The following LARS2 variants were observed in gnomAD, a reference collection of about 807,000 sequenced individuals.
LARS2 encodes leucine--tRNA ligase, mitochondrial.
A neutral mutation model predicts 116.6 loss-of-function variants in LARS2; 81 were observed. The observed-to-expected ratio is 0.69, with a 90% CI of 0.58 to 0.84. The LOEUF (loss-of-function observed/expected upper bound fraction) is 0.84. Among genes scored for constraint, LARS2 ranks in the 40% least tolerant of loss-of-function variants. The pLI, the probability that LARS2 is intolerant of heterozygous loss-of-function variation, is 0.00. For missense variants in LARS2, 968 were observed against 1,114.5 expected, an observed-to-expected ratio of 0.87 and a Z score of 1.87; for synonymous variants, 396 against 407.2, an observed-to-expected ratio of 0.97 and a Z score of 0.33.
chr3:45,476,971 T>C (rs956446912), intron 10 of LARS2, among the ~76,000 whole-genome samples: 1 of 152,152 alleles, frequency 6.6e-6, no homozygotes, highest in Non-Finnish European at 1.5e-5. Context: ...AATCTTCTCA[T>C]AATTTATAAT....
intron 15 of LARS2, among the ~76,000 whole-genome samples, chr3:45,508,429 A>G (rs1184451156): frequency 2.0e-5 from 3 of 152,126 alleles, no homozygotes; most frequent in African/African-American, 4.8e-5. Context: ...GAATGGTGAT[A>G]TTTCAAGAAT....
intron 4 of LARS2, among the ~76,000 whole-genome samples, chr3:45,407,325 C>T (rs897125134): frequency 6.6e-6 from 1 of 152,178 alleles, no homozygotes; most frequent in Non-Finnish European, 1.5e-5. Context: ...ATTTAGTTTT[C>T]AAATTTGCAA....
At chr3:45,437,903 T>C (rs1698833261) in intron 6 of LARS2, among the ~76,000 whole-genome samples, 1 of 152,050 alleles carries the variant, frequency 6.6e-6, no homozygotes, top group Non-Finnish European at 1.5e-5. Flanking sequence ...CAGGAGGGGA[T>C]GAAGACAGAC....
At chr3:45,525,689 T>C (rs1463652984) in intron 20 of LARS2, among the ~76,000 whole-genome samples, 2 of 152,228 alleles carry the variant, frequency 1.3e-5, no homozygotes, top group Non-Finnish European at 2.9e-5. Flanking sequence ...TCTGGGTCTT[T>C]CCAGTTACTC....
At chr3:45,508,832 C>T (rs945123890) in intron 15 of LARS2, among the ~76,000 whole-genome samples, 13 of 151,728 alleles carry the variant, frequency 8.6e-5, no homozygotes, top group Non-Finnish European at 1.9e-4. Flanking sequence ...TAGCAACTCC[C>T]TTCCTTCCCT....
rs148711628 is a variant in LARS2, at chr3:45,401,935, G to A, written c.363+1562G>A. Among the ~76,000 whole-genome samples the A allele has an allele frequency of 7.9e-5, 12 of 152,238 alleles. No homozygotes were observed. In the East Asian group the frequency reaches 1.9e-3, roughly 24 times the overall value. On this transcript the variant is annotated intron_variant, in intron 4 of 21. Coordinates refer to ENST00000645846, the MANE Select transcript of LARS2 (RefSeq NM_015340.4). ...CTAGCCCAGAGCCTAATCTTTACTAGCAATCTTTAGCAACACATCATCTTT... is the reference window on the plus strand; with the variant it reads ...CTAGCCCAGAGCCTAATCTTTACTAACAATCTTTAGCAACACATCATCTTT...
At chr3:45,425,703 T>C (rs908215657) in intron 6 of LARS2, among the ~76,000 whole-genome samples, 8 of 152,226 alleles carry the variant, frequency 5.3e-5, no homozygotes, top group African/African-American at 1.7e-4. Flanking sequence ...GTAATTTTCA[T>C]CTGTAAAGAA....
At chr3:45,404,721 G>A (rs939151977) in intron 4 of LARS2, among the ~76,000 whole-genome samples, 6 of 152,180 alleles carry the variant, frequency 3.9e-5, no homozygotes, top group East Asian at 1.9e-4. Flanking sequence ...TCAGCCTCCC[G>A]AGTAGCTGGG....
rs187315234 is a variant in LARS2, at chr3:45,428,743, A to G, written c.516+9014A>G. Among the ~76,000 whole-genome samples the G allele has an allele frequency of 1.2e-3, 180 of 152,314 alleles. 1 individual carries two copies. Among genetic ancestry groups the G allele is most frequent in the African/African-American group, 3.4e-3 (140 of 41,568 alleles). On this transcript the variant is annotated intron_variant, in intron 6 of 21. Coordinates refer to ENST00000645846, the MANE Select transcript of LARS2 (RefSeq NM_015340.4). Reference sequence around the variant, plus strand: ...TTTTTCCCCTCTATTTTTTATTATAACAATACAAATTTTCAAACACTTAGA... The same window carrying G: ...TTTTTCCCCTCTATTTTTTATTATAGCAATACAAATTTTCAAACACTTAGA...
chr3:45,508,610 C>G (rs768724619), intron 15 of LARS2, among the ~76,000 whole-genome samples: 3 of 152,028 alleles, frequency 2.0e-5, no homozygotes, highest in Non-Finnish European at 4.4e-5. Flanking sequence ...GCAGGCCACT[C>G]TCGCACCAGG....
intron 15 of LARS2, among the ~76,000 whole-genome samples, chr3:45,505,243 G>A (rs924260838): frequency 2.0e-5 from 3 of 152,044 alleles, no homozygotes; most frequent in East Asian, 3.9e-4. Context: ...AGGCTGAGGC[G>A]GGAAGATTAC....
Position 45,417,574 on chromosome 3 carries a change from G to T in LARS2, c.455+1G>T, listed in dbSNP as rs758967032. 1.9e-6 allele frequency: 3 copies of T among 1,611,728 alleles called. No individual in the cohort carries two copies. The highest frequency in any genetic ancestry group is 3.3e-4 in the Middle Eastern group (2 of 6,060). The stretch of plus-strand genomic sequence containing the variant: ...TACATCCACAAAGTTGGACACAAAG[G>T]TAAGTGTTTACAGGCATATTCAAAT... On this transcript the variant is annotated splice_donor_variant, in intron 5 of 21. Transcript: ENST00000645846. LOFTEE classifies it high-confidence loss of function.
At chr3:45,420,083 T>G (rs1698491336) in intron 6 of LARS2, among the ~76,000 whole-genome samples, 1 of 152,226 alleles carries the variant, frequency 6.6e-6, no homozygotes, top group Non-Finnish European at 1.5e-5. Context: ...CTTGAAGTAA[T>G]TAGACATTGA....
chr3:45,413,730 T>C (rs1202979875), intron 4 of LARS2, among the ~76,000 whole-genome samples: 1 of 152,208 alleles, frequency 6.6e-6, no homozygotes, highest in East Asian at 1.9e-4. Context: ...ATGTGCATAG[T>C]GGAAGTATGC....
At chr3:45,545,535 T>C (rs568807812) in intron 21 of LARS2, among the ~76,000 whole-genome samples, 1 of 152,316 alleles carries the variant, frequency 6.6e-6, no homozygotes, top group African/African-American at 2.4e-5. Context: ...GGGAGCATGA[T>C]TGGCACCTAC....
chr3:45,499,366 C>CT (rs1700078992), intron 14 of LARS2, among the ~76,000 whole-genome samples: 1 of 152,122 alleles, frequency 6.6e-6, no homozygotes, highest in South Asian at 2.1e-4. Context: ...AGCTTGAACC[C>CT]TGGAGGCGGA....
intron 3 of LARS2, among the ~76,000 whole-genome samples, chr3:45,396,214 C>A (rs1698041333): frequency 6.6e-6 from 1 of 152,162 alleles, no homozygotes; most frequent in African/African-American, 2.4e-5. Flanking sequence ...TGTGTGTGAT[C>A]CCCTGGCAGC....
At chr3:45,395,974 A>G (rs1698037153) in intron 3 of LARS2, among the ~76,000 whole-genome samples, 1 of 152,242 alleles carries the variant, frequency 6.6e-6, no homozygotes, top group Admixed American at 6.5e-5. Flanking sequence ...GTAACTTAAT[A>G]GATTTTGAAA....
intron 7 of LARS2, among the ~76,000 whole-genome samples, chr3:45,456,069 T>G (rs937328560): frequency 6.6e-6 from 1 of 152,018 alleles, no homozygotes; most frequent in African/African-American, 2.4e-5. Flanking sequence ...AGGAATACAT[T>G]TTGAGATCTA....
Sources: allele counts gnomAD v4.1 joint callset (sites outside exome capture counted in the v4.1 genomes callset), GRCh38; gene constraint gnomAD v4.1.1; transcripts MANE v1.5; gene names NCBI Gene and HGNC (gene_info 2026-07-23, HGNC 2026-07-21).